Variants in SLC6A11 observed in about 807,000 individuals in gnomAD.
SLC6A11 encodes the protein solute carrier family 6 member 11.
SLC6A11 carries 25 observed loss-of-function variants against 74.8 expected under a neutral mutation model. The ratio of observed to expected loss-of-function variants is 0.33; its 90% CI spans 0.24 to 0.47. The LOEUF (loss-of-function observed/expected upper bound fraction) is 0.47, where lower values mean the gene tolerates loss of function less well. Among genes scored for constraint, SLC6A11 ranks in the 20% least tolerant of loss-of-function variants. SLC6A11 has a pLI of 1.00. For missense variants in SLC6A11, 574 were observed against 837.0 expected (o/e 0.69, Z 3.88); for synonymous variants, 330 against 330.2 (o/e 1.00, Z 0.01).
intron 6 of SLC6A11, among the ~76,000 whole-genome samples, chr3:10,898,002 C>T (rs1203145008): frequency 6.6e-6 from 1 of 152,258 alleles, no homozygotes; most frequent in Non-Finnish European, 1.5e-5. Flanking sequence ...CACGTGGAAG[C>T]TGCCAAGGCT....
intron 4 of SLC6A11, among the ~76,000 whole-genome samples, chr3:10,832,954 A>G (rs1389147805): frequency 1.3e-5 from 2 of 152,238 alleles, no homozygotes; most frequent in Non-Finnish European, 2.9e-5. Context: ...CAAAGTCTGC[A>G]GTTCCACTCC....
At position 10,819,742 on chromosome 3, in the gene SLC6A11, C is replaced by G; in HGVS notation, c.422C>G (p.Ala141Gly). 6.2e-7 allele frequency: 1 copy of G among 1,614,212 alleles called. No homozygotes were observed. The highest frequency in any genetic ancestry group is 8.5e-7 in the Non-Finnish European group (1 of 1,180,024). The change falls in exon 3 of 14, where the codon GCC (alanine) becomes GGC (glycine). Residue 141 changes from alanine to glycine, a missense_variant. Around this residue, in one of 4 missense-constraint regions of SLC6A11, gnomAD observed 215 missense variants for 357.9 expected, o/e 0.60. Coordinates refer to ENST00000254488, the MANE Select transcript of SLC6A11 (RefSeq NM_014229.3). ...GGCTATGCAACACAGGTGATTGAGG[C>G]CCATCTGAATGTGTACTACATCATC... The part of the protein sequence containing the change: ...GIGYATQVIE[A>G]HLNVYYIIIL...
Position 10,918,207 on chromosome 3 carries a change from C to T in SLC6A11, c.996-122C>T. The T allele has an allele frequency of 1.8e-6, 2 of 1,134,588 alleles. No homozygotes were observed. The highest frequency in any genetic ancestry group is 2.9e-5 in the East Asian group (1 of 34,614). The allele number at this position is 1,134,588 out of a possible 1,614,324, so 70.3% of individuals were successfully genotyped here. A position where few individuals can be genotyped will look rare whatever the true frequency, so the allele number is the denominator to read the frequency against. On this transcript the variant is annotated intron_variant, in intron 7 of 13. Transcript: ENST00000254488. The surrounding 1 kb of genome is among the most constrained non-coding windows in gnomAD (Gnocchi z 4.5). ...AGTGCTCCATCAGAAAAACAGAGCT[C>T]CCTGTGCCTGCACTTCCCTGCCTGC...
In SLC6A11 at chr3:10,939,603, C is replaced by G. The variant is rs1355252459; in HGVS notation, c.*1201C>G. The G allele has an allele frequency of 6.6e-6, 1 of 152,572 alleles. No individual in the cohort carries two copies. The highest frequency in any genetic ancestry group is 1.5e-5 in the Non-Finnish European group (1 of 68,286). The allele number at this position is 152,572 out of a possible 1,614,324, so 9.5% of individuals were successfully genotyped here. A position where few individuals can be genotyped will look rare whatever the true frequency, so the allele number is the denominator to read the frequency against. On this transcript the variant is annotated 3_prime_UTR_variant, in exon 14 of 14. Transcript: ENST00000254488. ...CCTAACCTCCACCTACCACCATCCT[C>G]CCTCTCAGTTCTCTCCCATCCTTGC...
intron 6 of SLC6A11, among the ~76,000 whole-genome samples, chr3:10,888,149 G>A (rs2106613883): frequency 6.6e-6 from 1 of 152,348 alleles, no homozygotes; most frequent in East Asian, 1.9e-4. Context: ...TCCACTGTGT[G>A]ACGTTAGGCG....
At chr3:10,873,996 T>TACGCTACGCTACGCTAC (rs1559567293) in intron 5 of SLC6A11, among the ~76,000 whole-genome samples, 94 of 128,614 alleles carry the variant, frequency 7.3e-4, no homozygotes, top group Non-Finnish European at 1.1e-3. Context: ...CGCTACGCTA[T>TACGCTACGCTACGCTAC]GCTATGCTAT....
rs184893039 is a variant in SLC6A11 at position 10,831,492 on chromosome 3, G to A, written c.623+8100G>A. On this transcript the variant is annotated intron_variant, in intron 4 of 13. Transcript: ENST00000254488. Reference sequence around the variant, plus strand: ...AAGTGAAAAAGGTGAGCTGTAGCATGTTGTATATGATATCGTATGTAATAT... The same window carrying A: ...AAGTGAAAAAGGTGAGCTGTAGCATATTGTATATGATATCGTATGTAATAT... Among the ~76,000 whole-genome samples, 628 of 152,276 alleles carry A rather than the reference G, an allele frequency of 4.1e-3. 4 individuals carry two copies. The highest frequency in any genetic ancestry group is 0.015 in the African/African-American group (607 of 41,552).
chr3:10,897,530 A>G (rs1026597258), intron 6 of SLC6A11, among the ~76,000 whole-genome samples: 20 of 152,252 alleles, frequency 1.3e-4, no homozygotes, highest in Non-Finnish European at 2.6e-4. Flanking sequence ...CCAGCAGGGC[A>G]GTCAAATCTT....
chr3:10,913,956 G>A (rs1373259417), intron 7 of SLC6A11, among the ~76,000 whole-genome samples: 1 of 152,162 alleles, frequency 6.6e-6, no homozygotes, highest in Non-Finnish European at 1.5e-5. Flanking sequence ...GCCTCCCAAA[G>A]TGCTGGGATT....
intron 5 of SLC6A11, among the ~76,000 whole-genome samples, chr3:10,873,434 C>CATGCCATCCTACCCTACCCTATCCTACA (rs1694855914): frequency 6.6e-6 from 1 of 150,486 alleles, no homozygotes; most frequent in African/African-American, 2.5e-5. Context: ...CCTATCCTAT[C>CATGCCATCCTACCCTACCCTATCCTACA]CTATCCTATC....
chr3:10,913,838 C>T (rs1010033694), intron 7 of SLC6A11, among the ~76,000 whole-genome samples: 6 of 152,232 alleles, frequency 3.9e-5, no homozygotes, highest in Admixed American at 1.3e-4. Flanking sequence ...GGACTACAGG[C>T]GCCCGCCACC....
rs1025427731 is a variant in SLC6A11 at position 10,926,928 on chromosome 3, C to T, written c.1233+812C>T. ...GAACTTCCCCCAGCCACAGCCTCCCCGCCTCGGAGACTGGGGTCTCTTGGC... is the reference window on the plus strand; with the variant it reads ...GAACTTCCCCCAGCCACAGCCTCCCTGCCTCGGAGACTGGGGTCTCTTGGC... On this transcript the variant is annotated intron_variant, in intron 9 of 13. Coordinates refer to ENST00000254488, the MANE Select transcript of SLC6A11 (RefSeq NM_014229.3). This position sits in a 1 kb window ranked among gnomAD's most constrained non-coding sequence, Gnocchi z 5.7. 1.3e-5 allele frequency among the ~76,000 whole-genome samples: 2 copies of T among 152,298 alleles called. No homozygotes were observed. Among genetic ancestry groups the T allele is most frequent in the East Asian group, 1.9e-4 (1 of 5,178 alleles).
chr3:10,893,671 G>T (rs1695133884), intron 6 of SLC6A11, among the ~76,000 whole-genome samples: 1 of 152,090 alleles, frequency 6.6e-6, no homozygotes, highest in Admixed American at 6.5e-5. Context: ...TTCCAGTGAG[G>T]CCTCCAGTTC....
At chr3:10,869,439 G>A (rs1694803638) in intron 5 of SLC6A11, among the ~76,000 whole-genome samples, 1 of 152,258 alleles carries the variant, frequency 6.6e-6, no homozygotes, top group South Asian at 2.1e-4. Flanking sequence ...CAACTGGAGG[G>A]CAGGGCCCTG....
chr3:10,871,083 A>G (rs1373008840), intron 5 of SLC6A11, among the ~76,000 whole-genome samples: 1 of 152,234 alleles, frequency 6.6e-6, no homozygotes, highest in Non-Finnish European at 1.5e-5. Flanking sequence ...CTTCAAAATT[A>G]TCATCAGCCA....
chr3:10,835,541 G>T (rs2106580400), intron 4 of SLC6A11, among the ~76,000 whole-genome samples: 1 of 152,244 alleles, frequency 6.6e-6, no homozygotes. Context: ...CCTCTGGAAA[G>T]TCCCCACTTT....
intron 5 of SLC6A11, among the ~76,000 whole-genome samples, chr3:10,853,341 C>T (rs1694600013): frequency 6.6e-6 from 1 of 152,198 alleles, no homozygotes; most frequent in Admixed American, 6.5e-5. Context: ...GGCTAAGCCG[C>T]AGCTGGCATG....
At chr3:10,885,890 C>T (rs79581850) in intron 6 of SLC6A11, among the ~76,000 whole-genome samples, 5,995 of 152,314 alleles carry the variant, frequency 0.039, 168 homozygotes, top group Middle Eastern at 0.078. Context: ...GCCAGCCCAG[C>T]CTCACAGAGA....
At chr3:10,897,545 C>T (rs1357010707) in intron 6 of SLC6A11, among the ~76,000 whole-genome samples, 1 of 152,236 alleles carries the variant, frequency 6.6e-6, no homozygotes, top group Non-Finnish European at 1.5e-5. Flanking sequence ...AATCTTAAAG[C>T]TCCAAAATGA....
Sources: gnomAD v4.1 joint callset for allele counts (sites outside exome capture counted in the v4.1 genomes callset) on GRCh38, gnomAD v4.1.1 for gene constraint, gnomAD v4.1.1 regional missense constraint, Gnocchi (gnomAD v3.1) non-coding constraint, MANE v1.5 for transcripts, NCBI Gene and HGNC (gene_info 2026-07-23, HGNC 2026-07-21) for gene names.